Variants in SLC23A2 observed in about 807,000 individuals in gnomAD.
SLC23A2 encodes the protein Na(+)/L-ascorbic acid transporter 2.
In SLC23A2, 36 loss-of-function variants were observed where a neutral mutation model predicts 73.3. The observed-to-expected ratio is 0.49, with a 90% CI of 0.38 to 0.65. SLC23A2 has a LOEUF of 0.65. Among genes scored for constraint, SLC23A2 ranks in the 30% least tolerant of loss-of-function variants. The probability of loss-of-function intolerance (pLI) is 0.00; values close to 1 mark genes in which losing one functional copy is unlikely to be tolerated. For missense variants in SLC23A2, 507 were observed against 841.6 expected (o/e 0.60, Z 4.92); for synonymous variants, 343 against 327.3 (o/e 1.05, Z -0.52).
At chr20:4,944,829 TA>T (rs945551996) in intron 2 of SLC23A2, among the ~76,000 whole-genome samples, 26 of 152,204 alleles carry the variant, frequency 1.7e-4, no homozygotes, top group African/African-American at 5.5e-4. Context: ...GCTCTTTGCT[TA>T]AATCCCATTA....
At chr20:4,920,863 A>C (rs1932480713) in intron 3 of SLC23A2, among the ~76,000 whole-genome samples, 1 of 152,114 alleles carries the variant, frequency 6.6e-6, no homozygotes, top group Non-Finnish European at 1.5e-5. Flanking sequence ...TATTCCCTCA[A>C]AGTGCTATCA....
chr20:4,957,044 T>G (rs369587591), intron 2 of SLC23A2, among the ~76,000 whole-genome samples: 1 of 151,990 alleles, frequency 6.6e-6, no homozygotes, highest in Non-Finnish European at 1.5e-5. Flanking sequence ...TGACCTCAGG[T>G]GATCCACCCA....
chr20:4,957,969 C>T (rs2087319722), intron 2 of SLC23A2, among the ~76,000 whole-genome samples: 1 of 151,540 alleles, frequency 6.6e-6, no homozygotes, highest in Admixed American at 6.6e-5. Flanking sequence ...CCACTCAAAA[C>T]CTGGCCACTC....
At chr20:4,965,971 A>G (rs1166401762) in intron 2 of SLC23A2, among the ~76,000 whole-genome samples, 2 of 151,782 alleles carry the variant, frequency 1.3e-5, no homozygotes, top group East Asian at 3.9e-4. Flanking sequence ...CATCTCAAAA[A>G]AAAAAAAAAA....
At position 4,872,921 on chromosome 20, in the gene SLC23A2, A is replaced by C. The variant is rs140182571; in HGVS notation, c.1102+1015T>G. Among the ~76,000 whole-genome samples the C allele has an allele frequency of 4.6e-4, 70 of 152,068 alleles. 1 individual carries two copies. The highest frequency in any genetic ancestry group is 1.3e-3 in the African/African-American group (56 of 41,484). ...AGACACCCGTCATCAGGCCTGGCTC[A>C]TTTTTGTATTTTTGTAGAGATGGGG... On this transcript the variant is annotated intron_variant, in intron 11 of 16. Coordinates refer to ENST00000338244, the MANE Select transcript of SLC23A2 (RefSeq NM_005116.6). This position sits in a 1 kb window ranked among gnomAD's most constrained non-coding sequence, Gnocchi z 4.4.
rs549786293 is a variant in SLC23A2 at position 4,923,701 on chromosome 20, C to A, written c.108+8754G>T. On this transcript the variant is annotated intron_variant, in intron 3 of 16. Coordinates refer to ENST00000338244, the MANE Select transcript of SLC23A2 (RefSeq NM_005116.6). Reference sequence around the variant, plus strand: ...CTTTTCGTTTTAAGATCTAAGTACTCCAAACTCTCTATTTAGGGATGTACA... The same window carrying A: ...CTTTTCGTTTTAAGATCTAAGTACTACAAACTCTCTATTTAGGGATGTACA... Among the ~76,000 whole-genome samples the A allele has an allele frequency of 2.1e-3, 317 of 152,278 alleles. 2 individuals carry two copies. The highest frequency in any genetic ancestry group is 5.0e-3 in the South Asian group (24 of 4,830).
intron 1 of SLC23A2, among the ~76,000 whole-genome samples, chr20:4,979,253 A>G (rs927227608): frequency 2.6e-5 from 4 of 152,178 alleles, no homozygotes; most frequent in Admixed American, 6.5e-5. Context: ...AGATCACACC[A>G]CTGCACTCCA....
chr20:4,902,527 C>T lies in SLC23A2; in HGVS notation c.239G>A (p.Gly80Asp). ...SSLAETLDST[G>D]SLDPQRSDMI... ...GTCTGATCGCTGGGGGTCCAGACTGCCAGTGCTATCCAGGGTCTCAGCGAG... is the reference window on the plus strand; with the variant it reads ...GTCTGATCGCTGGGGGTCCAGACTGTCAGTGCTATCCAGGGTCTCAGCGAG... The change falls in exon 5 of 17, where the codon GGC becomes GAC. Residue 80 changes from glycine to aspartate, a missense_variant. Physicochemically the swap from Gly to Asp is moderately conservative, Grantham distance 94. Around this residue, in one of 5 missense-constraint regions of SLC23A2, gnomAD observed 78 missense variants for 86.7 expected, o/e 0.90. Coordinates refer to ENST00000338244, the MANE Select transcript of SLC23A2 (RefSeq NM_005116.6). The surrounding 1 kb of genome is among the most constrained non-coding windows in gnomAD (Gnocchi z 4.0). 6.2e-7 allele frequency: 1 copy of T among 1,611,192 alleles called. No homozygotes were observed. Among genetic ancestry groups the T allele is most frequent in the Non-Finnish European group, 8.5e-7 (1 of 1,178,126 alleles).
At chr20:4,945,296 GT>G (rs1389716451) in intron 2 of SLC23A2, among the ~76,000 whole-genome samples, 1 of 118,570 alleles carries the variant, frequency 8.4e-6, no homozygotes, top group African/African-American at 4.2e-5. Flanking sequence ...TCTTGATCTT[GT>G]TTGTTTGTTT....
chr20:4,920,746 A>G (rs752420020), intron 3 of SLC23A2, among the ~76,000 whole-genome samples: 3 of 152,182 alleles, frequency 2.0e-5, no homozygotes, highest in African/African-American at 4.8e-5. Flanking sequence ...TCCTTCTACA[A>G]CAAAAACTGC....
chr20:4,872,421 C>T lies in SLC23A2; in HGVS notation c.1102+1515G>A, dbSNP rs770897930. 1.3e-5 allele frequency among the ~76,000 whole-genome samples: 2 copies of T among 152,292 alleles called. No individual in the cohort carries two copies. Among genetic ancestry groups the T allele is most frequent in the African/African-American group, 2.4e-5 (1 of 41,562 alleles). On this transcript the variant is annotated intron_variant, in intron 11 of 16. Coordinates refer to ENST00000338244, the MANE Select transcript of SLC23A2 (RefSeq NM_005116.6). This position sits in a 1 kb window ranked among gnomAD's most constrained non-coding sequence, Gnocchi z 4.4. Reference sequence around the variant, plus strand: ...CTCTGTCTACTAAGTTTCGCCTTCTCGTGTGTGGCCCCATGGGTCCTAGTG... The same window carrying T: ...CTCTGTCTACTAAGTTTCGCCTTCTTGTGTGTGGCCCCATGGGTCCTAGTG...
chr20:4,883,516 G>A lies in SLC23A2; in HGVS notation c.824+126C>T, dbSNP rs1179893657. 21 of 732,180 alleles carry A rather than the reference G, an allele frequency of 2.9e-5. No individual in the cohort carries two copies. Among genetic ancestry groups the A allele is most frequent in the Admixed American group, 1.1e-4 (4 of 36,800 alleles). 45.4% of individuals were successfully genotyped at this position (732,180 alleles called of 1,614,324 possible). A position where few individuals can be genotyped will look rare whatever the true frequency, so the allele number is the denominator to read the frequency against. ...AAACCCTTCAACTATTCCCCAGCAC[G>A]AAGCAAATAAAGTTGAAACTGTCAG... is the stretch of plus-strand genomic sequence containing the variant. On this transcript the variant is annotated intron_variant, in intron 9 of 16. Transcript: ENST00000338244. The surrounding 1 kb of genome is among the most constrained non-coding windows in gnomAD (Gnocchi z 4.5).
chr20:4,974,297 A>G (rs1248896550), intron 1 of SLC23A2, among the ~76,000 whole-genome samples: 2 of 152,022 alleles, frequency 1.3e-5, no homozygotes, highest in East Asian at 1.9e-4. Context: ...GAGAAACTCC[A>G]TCTCTACTAA....
chr20:4,923,279 A>AT (rs1932562673), intron 3 of SLC23A2, among the ~76,000 whole-genome samples: 1 of 148,380 alleles, frequency 6.7e-6, no homozygotes, highest in African/African-American at 2.5e-5. Context: ...GGAGGGAGGG[A>AT]GGATGGATAA....
chr20:4,958,388 T>C (rs2087325811), intron 2 of SLC23A2, among the ~76,000 whole-genome samples: 1 of 152,178 alleles, frequency 6.6e-6, no homozygotes, highest in Admixed American at 6.6e-5. Flanking sequence ...ATCACACCAG[T>C]AGGTGGATGG....
Position 4,921,890 on chromosome 20 carries a change from G to A in SLC23A2, c.109-8912C>T, listed in dbSNP as rs1190537276. 5.3e-5 allele frequency among the ~76,000 whole-genome samples: 8 copies of A among 152,130 alleles called. No individual in the cohort carries two copies. The South Asian group carries it at 1.0e-3, about 20-fold the overall frequency. ...CCATTTCACCCCAACAATGTAGTTT[G>A]TACCGTAAAACCTAGGGAGAACTAT... is the stretch of plus-strand genomic sequence containing the variant. On this transcript the variant is annotated intron_variant, in intron 3 of 16. Coordinates refer to ENST00000338244, the MANE Select transcript of SLC23A2 (RefSeq NM_005116.6).
Position 4,983,824 on chromosome 20 carries a change from T to A in SLC23A2, c.-281-12905A>T, listed in dbSNP as rs887502997. Among the ~76,000 whole-genome samples, 20 of 149,860 alleles carry A rather than the reference T, an allele frequency of 1.3e-4. No homozygotes were observed. The East Asian group carries it at 3.8e-3, about 28-fold the overall frequency. ...ATACAAAATTAGCCAGGCGTGGTGG[T>A]GCATGCCTGTAATCCCTGCTATTCG... On this transcript the variant is annotated intron_variant, in intron 1 of 16. Transcript: ENST00000338244.
At chr20:4,873,015 A>G (rs569285851) in intron 11 of SLC23A2, among the ~76,000 whole-genome samples, 5 of 152,278 alleles carry the variant, frequency 3.3e-5, no homozygotes, top group Admixed American at 1.3e-4. Context: ...CGGCCTCCCC[A>G]AAGTGCTGGG....
At chr20:4,974,882 G>A (rs1055954719) in intron 1 of SLC23A2, among the ~76,000 whole-genome samples, 6 of 152,114 alleles carry the variant, frequency 3.9e-5, no homozygotes, top group Admixed American at 2.6e-4. Flanking sequence ...CCGCCTCCAG[G>A]GCTCAAGCGA....
Sources: gnomAD v4.1 joint callset for allele counts (sites outside exome capture counted in the v4.1 genomes callset) on GRCh38, gnomAD v4.1.1 for gene constraint, gnomAD v4.1.1 regional missense constraint, Gnocchi (gnomAD v3.1) non-coding constraint, MANE v1.5 for transcripts, NCBI Gene and HGNC (gene_info 2026-07-23, HGNC 2026-07-21) for gene names.